NIBAN3: variants seen among roughly 807,000 people sequenced by gnomAD.
NIBAN3 encodes the protein niban apoptosis regulator 3.
Under a neutral mutation model 76.4 loss-of-function variants are expected in NIBAN3, and 66 were observed. That is an observed-to-expected ratio of 0.86 (90% CI 0.71 to 1.06). The LOEUF is 1.06. Ranked by LOEUF, NIBAN3 falls within the 50% of genes least tolerant of loss-of-function variation. NIBAN3 has a pLI of 0.00. For missense variants in NIBAN3, 808 were observed against 810.7 expected, an observed-to-expected ratio of 1.00 and a Z score of 0.04; for synonymous variants, 360 against 355.2, an observed-to-expected ratio of 1.01 and a Z score of -0.15.
chr19:17,532,319 A>C lies in NIBAN3; in HGVS notation c.243A>C (p.Pro81=). 6.2e-7 allele frequency: 1 copy of C among 1,613,938 alleles called. No homozygotes were observed. Among genetic ancestry groups the C allele is most frequent in the Non-Finnish European group, 8.5e-7 (1 of 1,179,954 alleles). The change falls in exon 3 of 15, where the codon CCA becomes CCC. Residue 81 remains proline, a synonymous_variant. Transcript: ENST00000599164. Reference sequence around the variant, plus strand: ...CCCTGACCCAGCTTCGGGGCCACCCACCCCGGTGGCAGCCGATCTTCTGTG... The same window carrying C: ...CCCTGACCCAGCTTCGGGGCCACCCCCCCCGGTGGCAGCCGATCTTCTGTG... The part of the protein sequence containing the change: ...RGPLTQLRGH[P]PRWQPIFCVL...
At chr19:17,549,347 T>A in intron 13 of NIBAN3, 97 bp from the exon 14 acceptor site, 1 of 861,772 alleles carries the variant, frequency 1.2e-6, no homozygotes, top group Non-Finnish European at 1.9e-6. Context: ...CTTTAGGATT[T>A]CTGCTTGAGA....
Position 17,540,627 on chromosome 19 carries a change from G to T in NIBAN3, c.1170+45G>T, listed in dbSNP as rs373674417. 88 of 1,304,854 alleles carry T rather than the reference G, an allele frequency of 6.7e-5. No individual in the cohort carries two copies. In the African/African-American group the frequency reaches 1.1e-3, roughly 16 times the overall value. The allele number at this position is 1,304,854 out of a possible 1,614,324, so 80.8% of individuals were successfully genotyped here. On this transcript the variant is annotated intron_variant, in intron 9 of 14. Transcript: ENST00000599164. Reference sequence around the variant, plus strand: ...GGTTCAGTGAGCCAGAGGGTGATGTGTTAACTTGAGTCTTTCCTGTGGAGA... The same window carrying T: ...GGTTCAGTGAGCCAGAGGGTGATGTTTTAACTTGAGTCTTTCCTGTGGAGA...
chr19:17,526,120 T>C (rs1487973164), upstream of NIBAN3, among the ~76,000 whole-genome samples: 1 of 151,714 alleles, frequency 6.6e-6, no homozygotes, highest in Non-Finnish European at 1.5e-5. Context: ...GAGACAAGCC[T>C]GGCCAACATA....
chr19:17,523,532 C>T (rs2075577155), upstream of NIBAN3: 7 of 1,347,970 alleles, frequency 5.2e-6, no homozygotes, highest in African/African-American at 1.5e-5. Context: ...GCCGTGGCCC[C>T]CAGAGCGGCA....
rs560383504 is a variant in NIBAN3 at position 17,527,300 on chromosome 19, T to A, written c.-41T>A. The A allele has an allele frequency of 2.6e-6, 4 of 1,550,222 alleles. No homozygotes were observed. Among genetic ancestry groups the A allele is most frequent in the African/African-American group, 2.7e-5 (2 of 72,836 alleles). ...CTGAGCCGAGGAACGCAGGCGGTGG[T>A]CGTGGGGAAGGGAAGAGGAGCCCCG... On this transcript the variant is annotated 5_prime_UTR_variant, in exon 1 of 15. Transcript: ENST00000599164.
At chr19:17,530,964 C>T (rs2075710785) in intron 2 of NIBAN3, 79 bp downstream of exon 2, 2 of 1,479,240 alleles carry the variant, frequency 1.4e-6, no homozygotes, top group Middle Eastern at 1.9e-4. Flanking sequence ...ATGCTTCCAA[C>T]CTCAGACCTT....
chr19:17,523,812 C>T (rs2075580106), upstream of NIBAN3, among the ~76,000 whole-genome samples: 1 of 152,220 alleles, frequency 6.6e-6, no homozygotes, highest in African/African-American at 2.4e-5. Flanking sequence ...GAGCACATTC[C>T]CACCCCAGGG....
At chr19:17,538,240 C>T (rs1420190345) in intron 5 of NIBAN3, among the ~76,000 whole-genome samples, 1 of 151,732 alleles carries the variant, frequency 6.6e-6, no homozygotes, top group Non-Finnish European at 1.5e-5. Context: ...CACGGTGAAA[C>T]CCCATCTCTA....
At chr19:17,526,633 G>A (rs2075611686), upstream of NIBAN3, among the ~76,000 whole-genome samples, 3 of 151,462 alleles carry the variant, frequency 2.0e-5, no homozygotes, top group East Asian at 1.9e-4. Context: ...GAGCAACAGA[G>A]CAAGACCCTG....
chr19:17,526,949 A>C (rs2144659350), upstream of NIBAN3, among the ~76,000 whole-genome samples: 1 of 152,162 alleles, frequency 6.6e-6, no homozygotes. Flanking sequence ...GGGTAGGCAC[A>C]GTGCTGGTGG....
At position 17,543,304 on chromosome 19, in the gene NIBAN3, T is replaced by A. The variant is rs755799945; in HGVS notation, c.1330-13T>A. 6.6e-7 allele frequency: 1 copy of A among 1,524,094 alleles called. No homozygotes were observed. The highest frequency in any genetic ancestry group is 8.9e-7 in the Non-Finnish European group (1 of 1,127,894). The allele number at this position is 1,524,094 out of a possible 1,614,324, so 94.4% of individuals were successfully genotyped here. A position where few individuals can be genotyped will look rare whatever the true frequency, so the allele number is the denominator to read the frequency against. On this transcript the variant is annotated splice_polypyrimidine_tract_variant and intron_variant, in intron 10 of 14. Transcript: ENST00000599164. ...CACAGATTCTGGGGTCATCATAGCA[T>A]CTCCTCCCACAGCTCATGGCTGACG...
At chr19:17,545,039 T>C (rs548664299) in intron 12 of NIBAN3, among the ~76,000 whole-genome samples, 10 of 152,064 alleles carry the variant, frequency 6.6e-5, no homozygotes, top group African/African-American at 2.2e-4. Context: ...GGTGCACGCC[T>C]GTAGTCCAAG....
At chr19:17,531,326 A>AAC (rs35489460) in intron 2 of NIBAN3, among the ~76,000 whole-genome samples, 4,537 of 129,042 alleles carry the variant, frequency 0.035, 113 homozygotes, top group East Asian at 0.055. Context: ...GACTCTGTCA[A>AAC]ACACACACAC....
chr19:17,546,634 C>T, intron 12 of NIBAN3, 52 bp from the exon 13 acceptor site: 1 of 1,473,718 alleles, frequency 6.8e-7, no homozygotes. Flanking sequence ...TGTTGTAGGC[C>T]TCTAGAGGGG....
chr19:17,527,500 G>C (rs2075627666), intron 1 of NIBAN3, 105 bp downstream of exon 1: 1 of 1,242,408 alleles, frequency 8.0e-7, no homozygotes, highest in African/African-American at 1.5e-5. Flanking sequence ...TCAGACCTAG[G>C]GCTGTCAAAA....
chr19:17,539,474 G>T, intron 7 of NIBAN3, 23 bp downstream of exon 7: 1 of 1,460,838 alleles, frequency 6.8e-7, no homozygotes. Context: ...TCCGGATCCG[G>T]GATAGGGGGC....
At chr19:17,537,644 AC>A in intron 5 of NIBAN3, 101 bp downstream of exon 5, 1 of 1,229,848 alleles carries the variant, frequency 8.1e-7, no homozygotes, top group Non-Finnish European at 1.1e-6. Flanking sequence ...CACTTTCTTT[AC>A]CCAGAAAATG....
At chr19:17,543,241 G>C in intron 10 of NIBAN3, 76 bp from the exon 11 acceptor site, 3 of 916,832 alleles carry the variant, frequency 3.3e-6, no homozygotes. Flanking sequence ...TGCTGAGAAG[G>C]GGTCAGCTGG....
rs147486358 is a variant in NIBAN3, at chr19:17,548,646, C to T, written c.1667-798C>T. Among the ~76,000 whole-genome samples the T allele has an allele frequency of 9.0e-4, 137 of 152,228 alleles. 1 individual carries two copies. The highest frequency in any genetic ancestry group is 3.2e-3 in the African/African-American group (132 of 41,534). ...CAGACATAGAAGGTGAGTTCAGCAG[C>T]CAGGCACTGTGGCTCACGCCTGTAA... On this transcript the variant is annotated intron_variant, in intron 13 of 14. Coordinates refer to ENST00000599164, the MANE Select transcript of NIBAN3 (RefSeq NM_001321827.2).
Sources: allele counts gnomAD v4.1 joint callset (sites outside exome capture counted in the v4.1 genomes callset), GRCh38; gene constraint gnomAD v4.1.1; transcripts MANE v1.5; gene names NCBI Gene and HGNC (gene_info 2026-07-23, HGNC 2026-07-21).